The following FNBP1L variants were observed in gnomAD, a reference collection of about 807,000 sequenced individuals.
FNBP1L encodes the protein formin-binding protein 1-like.
A neutral mutation model predicts 91.2 loss-of-function variants in FNBP1L; 36 were observed. That is an observed-to-expected ratio of 0.39 (90% CI 0.30 to 0.52). The LOEUF (loss-of-function observed/expected upper bound fraction) is 0.52. Ranked by LOEUF, FNBP1L falls within the 20% of genes least tolerant of loss-of-function variation. The pLI is 0.66. For missense variants in FNBP1L, 571 were observed against 732.1 expected (o/e 0.78, Z 2.54); for synonymous variants, 242 against 237.0 (o/e 1.02, Z -0.19).
At chr1:93,464,344 A>G (rs1364817659) in intron 1 of FNBP1L, among the ~76,000 whole-genome samples, 2 of 152,212 alleles carry the variant, frequency 1.3e-5, no homozygotes, top group Non-Finnish European at 1.5e-5. Context: ...TGCTTATTCA[A>G]TATAGGAACC....
chr1:93,486,534 A>G (rs1293870940), intron 1 of FNBP1L, among the ~76,000 whole-genome samples: 1 of 152,080 alleles, frequency 6.6e-6, no homozygotes, highest in African/African-American at 2.4e-5. Context: ...TAAGGTAGGC[A>G]GCATAGGTGT....
intron 2 of FNBP1L, among the ~76,000 whole-genome samples, chr1:93,516,656 A>G (rs1012422176): frequency 1.3e-5 from 2 of 152,106 alleles, no homozygotes. Context: ...TACAAAAAAA[A>G]TTAGCTGGGC....
Position 93,545,848 on chromosome 1 carries a change from G to A in FNBP1L, c.1275-994G>A, listed in dbSNP as rs1259371616. ...CTGGAGAAGAGAAAACATGGAGGAA[G>A]CTTAAAAAAAAAAAAAAGATTTGTA... is the stretch of plus-strand genomic sequence containing the variant. On this transcript the variant is annotated intron_variant, in intron 12 of 16. Transcript: ENST00000271234. 2.0e-4 allele frequency among the ~76,000 whole-genome samples: 9 copies of A among 45,212 alleles called. No individual in the cohort carries two copies. In the East Asian group the frequency reaches 0.015, roughly 74 times the overall value. 29.7% of individuals were successfully genotyped at this position (45,212 alleles called of 152,430 possible). A position where few individuals can be genotyped will look rare whatever the true frequency, so the allele number is the denominator to read the frequency against.
chr1:93,514,323 GT>G lies in FNBP1L; in HGVS notation c.141-7758del, dbSNP rs1371055943. Among the ~76,000 whole-genome samples, 3 of 151,798 alleles carry G rather than the reference GT, an allele frequency of 2.0e-5. No individual in the cohort carries two copies. In the East Asian group the frequency reaches 5.8e-4, roughly 29 times the overall value. On this transcript the variant is annotated intron_variant, in intron 2 of 16. Coordinates refer to ENST00000271234, the MANE Select transcript of FNBP1L (RefSeq NM_001164473.3). ...CTCGTGGGTAGGAAGAATCAATATC[GT>G]GAAAATGGCCATACTGCCCAAGGTA...
At chr1:93,515,338 AT>A (rs1227007468) in intron 2 of FNBP1L, among the ~76,000 whole-genome samples, 2 of 151,482 alleles carry the variant, frequency 1.3e-5, no homozygotes, top group African/African-American at 4.9e-5. Flanking sequence ...TAGTTCAACC[AT>A]TGTGGAAGTC....
At chr1:93,543,326 AAATTGCAT>A (rs1381433714) in intron 11 of FNBP1L, among the ~76,000 whole-genome samples, 1 of 152,212 alleles carries the variant, frequency 6.6e-6, no homozygotes, top group Non-Finnish European at 1.5e-5. Context: ...ACTTTTTCTT[AAATTGCAT>A]AGTTTTTTGA....
chr1:93,510,347 G>C (rs1179726381), intron 2 of FNBP1L, among the ~76,000 whole-genome samples: 10 of 152,172 alleles, frequency 6.6e-5, no homozygotes, highest in East Asian at 3.9e-4. Flanking sequence ...AGCAGGGGCA[G>C]ACTGACACCT....
chr1:93,536,340 C>T lies in FNBP1L; in HGVS notation c.999C>T (p.Ser333=). Residue 333 remains serine, a synonymous_variant, in exon 10 of 17, where the codon TCC becomes TCT. Coordinates refer to ENST00000271234, the MANE Select transcript of FNBP1L (RefSeq NM_001164473.3). ...WLFGKKPKPQ[S]PPLTPTSLFT... is the part of the protein sequence containing the mutation. ...CTTTATTTCCATATTAGCCACAGTC[C>T]CCACCCTTAACCCCTACTAGTTTAT... is the stretch of plus-strand genomic sequence containing the variant. The T allele has an allele frequency of 7.9e-6, 12 of 1,515,456 alleles. No homozygotes were observed. Among genetic ancestry groups the T allele is most frequent in the Non-Finnish European group, 1.1e-5 (12 of 1,130,026 alleles). The allele number at this position is 1,515,456 out of a possible 1,614,324, so 93.9% of individuals were successfully genotyped here. A position where few individuals can be genotyped will look rare whatever the true frequency, so the allele number is the denominator to read the frequency against.
chr1:93,533,704 A>C (rs1570857924), intron 8 of FNBP1L, among the ~76,000 whole-genome samples: 1 of 152,332 alleles, frequency 6.6e-6, no homozygotes, highest in African/African-American at 2.4e-5. Flanking sequence ...TCATGAACCT[A>C]TCAAGTAGAT....
At chr1:93,547,995 A>T (rs1557823044) in intron 14 of FNBP1L, among the ~76,000 whole-genome samples, 2 of 152,174 alleles carry the variant, frequency 1.3e-5, no homozygotes, top group African/African-American at 4.8e-5. Context: ...TTTCTACTTA[A>T]TTACAGTGTA....
chr1:93,497,466 G>A (rs781518315), intron 1 of FNBP1L, among the ~76,000 whole-genome samples: 1 of 152,112 alleles, frequency 6.6e-6, no homozygotes, highest in African/African-American at 2.4e-5. Context: ...TTTATGTGGT[G>A]TCTTTTGTTT....
chr1:93,527,197 C>G (rs1437202046), intron 5 of FNBP1L, among the ~76,000 whole-genome samples: 2 of 152,088 alleles, frequency 1.3e-5, no homozygotes, highest in Non-Finnish European at 2.9e-5. Flanking sequence ...ACTACGAAAC[C>G]TCTTGGCTAC....
chr1:93,504,487 C>T (rs1410250036), intron 2 of FNBP1L, among the ~76,000 whole-genome samples: 1 of 152,180 alleles, frequency 6.6e-6, no homozygotes, highest in Admixed American at 6.5e-5. Flanking sequence ...TCGGGTATGT[C>T]TTTATCAGCA....
At chr1:93,530,959 T>C in intron 7 of FNBP1L, 76 bp downstream of exon 7, 1 of 1,186,078 alleles carries the variant, frequency 8.4e-7, no homozygotes, top group Non-Finnish European at 1.2e-6. Flanking sequence ...GTCTTAGACA[T>C]CAGAATCTTT....
At chr1:93,511,841 C>T (rs1210383247) in intron 2 of FNBP1L, among the ~76,000 whole-genome samples, 1 of 150,740 alleles carries the variant, frequency 6.6e-6, no homozygotes, top group Non-Finnish European at 1.5e-5. Flanking sequence ...TGGCGGGCGC[C>T]TGTAGTCCCA....
Position 93,552,529 on chromosome 1 carries a change from G to GC in FNBP1L, c.*113_*114insC. ...AGAGAGTGAGAGAAGCAAGTTGCAT[G>GC]AGTGCATGCAGACATGATTTTTTTT... On this transcript the variant is annotated 3_prime_UTR_variant, in exon 17 of 17. Coordinates refer to ENST00000271234, the MANE Select transcript of FNBP1L (RefSeq NM_001164473.3). The GC allele has an allele frequency of 7.6e-6, 9 of 1,180,000 alleles. No individual in the cohort carries two copies. Among genetic ancestry groups the GC allele is most frequent in the Non-Finnish European group, 1.1e-5 (9 of 833,888 alleles). The allele number at this position is 1,180,000 out of a possible 1,614,324, so 73.1% of individuals were successfully genotyped here.
intron 1 of FNBP1L, among the ~76,000 whole-genome samples, chr1:93,457,948 C>T (rs1044832206): frequency 3.9e-5 from 6 of 151,904 alleles, no homozygotes; most frequent in Middle Eastern, 3.4e-3. Flanking sequence ...CCCGCCACCA[C>T]GCCTGGCTAA....
At chr1:93,547,320 A>C (rs1672274593) in intron 13 of FNBP1L, 27 bp from the exon 14 acceptor site, 1 of 1,496,798 alleles carries the variant, frequency 6.7e-7, no homozygotes, top group Non-Finnish European at 9.1e-7. Context: ...TATTGAGCTC[A>C]GTTGTTTGCT....
intron 1 of FNBP1L, among the ~76,000 whole-genome samples, chr1:93,459,967 GTGTGTGTGTGTT>G (rs1668807329): frequency 1.3e-5 from 2 of 149,962 alleles, no homozygotes; most frequent in South Asian, 2.2e-4. Flanking sequence ...GTGTGTGTGT[GTGTGTGTGTGTT>G]TTTGGGATAT....
Sources: allele counts gnomAD v4.1 joint callset (sites outside exome capture counted in the v4.1 genomes callset), GRCh38; gene constraint gnomAD v4.1.1; transcripts MANE v1.5; gene names NCBI Gene and HGNC (gene_info 2026-07-23, HGNC 2026-07-21).